The following ZC3H12B variants were observed in gnomAD, a reference collection of about 807,000 sequenced individuals.
ZC3H12B encodes the protein zinc finger CCCH-type containing 12B.
Under a neutral mutation model 43.9 loss-of-function variants are expected in ZC3H12B, and 7 were observed. The ratio of observed to expected loss-of-function variants is 0.16; its 90% CI spans 0.09 to 0.30. The LOEUF (loss-of-function observed/expected upper bound fraction) is 0.30. Ranked by LOEUF, ZC3H12B falls within the 10% of genes least tolerant of loss-of-function variation. ZC3H12B has a pLI of 1.00. For missense variants in ZC3H12B, 475 were observed against 670.2 expected (o/e 0.71, Z 3.22); for synonymous variants, 222 against 241.7 (o/e 0.92, Z 0.76).
chrX:65,282,878 G>T, the ZC3H12B span, among the ~76,000 whole-genome samples: 1 of 111,375 alleles, frequency 9.0e-6, no homozygotes, highest in Non-Finnish European at 1.9e-5. Flanking sequence ...ATTCACAGCC[G>T]AATTCTACCA....
intron 2 of ZC3H12B, among the ~76,000 whole-genome samples, chrX:65,370,682 T>C (rs933696524): frequency 1.8e-5 from 2 of 112,099 alleles, no homozygotes; most frequent in African/African-American, 6.5e-5. Flanking sequence ...TGCAATAGTT[T>C]ACAATCTACT....
chrX:65,115,500 G>A, the ZC3H12B span, among the ~76,000 whole-genome samples: 2 of 110,870 alleles, frequency 1.8e-5, no homozygotes, highest in African/African-American at 3.3e-5. Flanking sequence ...ATTGCAAATT[G>A]TGCTGCTATA....
At chrX:65,039,186 A>G in the ZC3H12B span, among the ~76,000 whole-genome samples, 1 of 111,857 alleles carries the variant, frequency 8.9e-6, no homozygotes, top group Non-Finnish European at 1.9e-5. Flanking sequence ...TTATTCTCTC[A>G]GTATCATATC....
At chrX:65,382,865 A>C (rs1057251833) in intron 2 of ZC3H12B, among the ~76,000 whole-genome samples, 2 of 111,456 alleles carry the variant, frequency 1.8e-5, no homozygotes, top group African/African-American at 6.6e-5. Context: ...TGCTTCCAAG[A>C]GAATAAAATA....
chrX:65,205,220 G>T, the ZC3H12B span, among the ~76,000 whole-genome samples: 1 of 110,860 alleles, frequency 9.0e-6, no homozygotes, highest in African/African-American at 3.3e-5. Flanking sequence ...ATTCTTTAAC[G>T]CTATTTTCCA....
At chrX:65,133,409 G>T in the ZC3H12B span, among the ~76,000 whole-genome samples, 1 of 109,082 alleles carries the variant, frequency 9.2e-6, no homozygotes, top group Non-Finnish European at 1.9e-5. Context: ...TCTGGGTCTA[G>T]GGTGGTAAAG....
intron 3 of ZC3H12B, among the ~76,000 whole-genome samples, chrX:65,430,921 G>A (rs1291728149): frequency 1.8e-5 from 2 of 110,961 alleles, no homozygotes; most frequent in Non-Finnish European, 3.8e-5. Flanking sequence ...CAAGAATCAG[G>A]ATATTTCAGT....
chrX:65,162,305 T>C, the ZC3H12B span, among the ~76,000 whole-genome samples: 2 of 111,719 alleles, frequency 1.8e-5, no homozygotes, highest in African/African-American at 6.5e-5. Flanking sequence ...TGAATCTGAA[T>C]GCTGGCCTGC....
intron 3 of ZC3H12B, among the ~76,000 whole-genome samples, chrX:65,399,943 C>A (rs940310222): frequency 9.0e-6 from 1 of 110,812 alleles, no homozygotes; most frequent in Non-Finnish European, 1.9e-5. Context: ...GACAAATATC[C>A]CATTTTCTCA....
the ZC3H12B span, among the ~76,000 whole-genome samples, chrX:65,321,328 A>G: frequency 3.6e-5 from 4 of 112,408 alleles, no homozygotes; most frequent in African/African-American, 1.3e-4. Context: ...TATTAGAGAA[A>G]TGCAAATCAA....
the ZC3H12B span, among the ~76,000 whole-genome samples, chrX:65,346,258 G>T: frequency 1.0e-5 from 1 of 97,481 alleles, no homozygotes; most frequent in East Asian, 3.3e-4. Context: ...AATGGTACTA[G>T]TAAAAAAAAA....
At chrX:65,301,034 C>T in the ZC3H12B span, among the ~76,000 whole-genome samples, 1 of 108,788 alleles carries the variant, frequency 9.2e-6, no homozygotes, top group Non-Finnish European at 1.9e-5. Context: ...CATGAACAGA[C>T]AATTCTCAAA....
At chrX:65,035,060 C>T in the ZC3H12B span, among the ~76,000 whole-genome samples, 1 of 112,321 alleles carries the variant, frequency 8.9e-6, no homozygotes, top group Admixed American at 9.3e-5. Context: ...CCCTCCACGT[C>T]GATGGTGGTG....
intron 2 of ZC3H12B, 88 bp from the exon 5 acceptor site, chrX:65,398,505 C>T (rs1252879376): frequency 5.4e-5 from 6 of 111,434 alleles, no homozygotes; most frequent in African/African-American, 2.0e-4. Flanking sequence ...CCATGCAGTT[C>T]TCATGATAGT....
At chrX:65,172,360 T>A in the ZC3H12B span, among the ~76,000 whole-genome samples, 2 of 111,479 alleles carry the variant, frequency 1.8e-5, no homozygotes, top group African/African-American at 6.5e-5. Context: ...GGGTAAAAAA[T>A]TTTTCCATTC....
the ZC3H12B span, among the ~76,000 whole-genome samples, chrX:65,346,725 G>A: frequency 8.9e-6 from 1 of 112,276 alleles, no homozygotes; most frequent in East Asian, 2.8e-4. Context: ...CTGCAGCTCA[G>A]CAAGGCTGCT....
At chrX:65,319,830 C>T in the ZC3H12B span, among the ~76,000 whole-genome samples, 1 of 111,211 alleles carries the variant, frequency 9.0e-6, no homozygotes, top group Non-Finnish European at 1.9e-5. Flanking sequence ...ACCACATGAT[C>T]ATATCAGATG....
the ZC3H12B span, among the ~76,000 whole-genome samples, chrX:65,253,655 G>T: frequency 8.9e-6 from 1 of 111,990 alleles, no homozygotes; most frequent in Non-Finnish European, 1.9e-5. Flanking sequence ...GCCTCTTATG[G>T]GGCCCCAGCT....
At chrX:65,496,997 G>GAA in intron 1 of ZC3H12B, 135 bp from the exon 7 acceptor site, 1 of 427,663 alleles carries the variant, frequency 2.3e-6, no homozygotes, top group South Asian at 6.6e-5. Flanking sequence ...GCAAAAGGAA[G>GAA]AAAGAAAGAG....
Sources: allele counts gnomAD v4.1 joint callset (sites outside exome capture counted in the v4.1 genomes callset), GRCh38; gene constraint gnomAD v4.1.1; transcripts MANE v1.5; gene names NCBI Gene and HGNC (gene_info 2026-07-23, HGNC 2026-07-21).